CCDC148: variants seen among roughly 807,000 people sequenced by gnomAD.
CCDC148 encodes the protein coiled-coil domain containing 148.
A neutral mutation model predicts 85.7 loss-of-function variants in CCDC148; 89 were observed. The observed-to-expected ratio is 1.04, with a 90% CI of 0.87 to 1.24. The LOEUF (loss-of-function observed/expected upper bound fraction) is 1.24, where lower values mean the gene tolerates loss of function less well. Among genes scored for constraint, CCDC148 ranks in the 50% most tolerant of loss-of-function variants. The pLI is 0.00. For synonymous variants in CCDC148, 230 were observed against 213.9 expected, an observed-to-expected ratio of 1.08 and a Z score of -0.66; for missense variants, 692 against 671.7, an observed-to-expected ratio of 1.03 and a Z score of -0.33.
At chr2:158,271,783 T>C (rs1559032612) in intron 9 of CCDC148, among the ~76,000 whole-genome samples, 1 of 152,136 alleles carries the variant, frequency 6.6e-6, no homozygotes, top group Non-Finnish European at 1.5e-5. Flanking sequence ...TCCTCATGGA[T>C]AAGGGGGAAC....
At chr2:158,230,119 G>C (rs1337191780) in intron 10 of CCDC148, among the ~76,000 whole-genome samples, 1 of 152,004 alleles carries the variant, frequency 6.6e-6, no homozygotes, top group East Asian at 1.9e-4. Context: ...TATTGACTTT[G>C]GGACTTTGAC....
At chr2:158,382,904 G>C (rs919905684) in intron 1 of CCDC148, among the ~76,000 whole-genome samples, 2 of 151,994 alleles carry the variant, frequency 1.3e-5, no homozygotes, top group African/African-American at 4.8e-5. Flanking sequence ...CTGGGTGACA[G>C]AGTGAGACTC....
chr2:158,326,767 T>C (rs1295946111), intron 7 of CCDC148, among the ~76,000 whole-genome samples: 12 of 152,114 alleles, frequency 7.9e-5, no homozygotes, highest in Admixed American at 5.9e-4. Flanking sequence ...GAGGATACAA[T>C]AAAAATTCTT....
At chr2:158,233,861 A>G (rs1400264784) in intron 10 of CCDC148, among the ~76,000 whole-genome samples, 1 of 152,058 alleles carries the variant, frequency 6.6e-6, no homozygotes, top group Non-Finnish European at 1.5e-5. Flanking sequence ...TCAACCTGGG[A>G]CTGGCTTAAG....
At chr2:158,190,208 C>T (rs747557390) in intron 11 of CCDC148, among the ~76,000 whole-genome samples, 14 of 151,800 alleles carry the variant, frequency 9.2e-5, no homozygotes, top group East Asian at 1.9e-4. Context: ...ATGACATCCA[C>T]GACCATGATA....
intron 1 of CCDC148, among the ~76,000 whole-genome samples, chr2:158,450,739 A>G (rs1447971418): frequency 1.3e-5 from 2 of 148,674 alleles, no homozygotes; most frequent in East Asian, 3.9e-4. Context: ...TTTTCTTGTT[A>G]TTTTTGTCTT....
chr2:158,453,304 A>T (rs899505823), intron 1 of CCDC148, among the ~76,000 whole-genome samples: 1 of 152,224 alleles, frequency 6.6e-6, no homozygotes, highest in Non-Finnish European at 1.5e-5. Context: ...GAAGGCCAGG[A>T]AACTTTCAGA....
intron 10 of CCDC148, among the ~76,000 whole-genome samples, chr2:158,239,572 T>G (rs779371327): frequency 1.6e-4 from 21 of 127,420 alleles, no homozygotes; most frequent in East Asian, 5.6e-4. Flanking sequence ...GTTAATTTAA[T>G]TTAAATTAAT....
chr2:158,378,825 T>C (rs1684757521), intron 1 of CCDC148, among the ~76,000 whole-genome samples: 1 of 152,158 alleles, frequency 6.6e-6, no homozygotes. Context: ...TGTTGAGACT[T>C]ACTGCTCAGA....
chr2:158,318,407 C>A (rs1454970034), intron 7 of CCDC148, among the ~76,000 whole-genome samples: 1 of 152,064 alleles, frequency 6.6e-6, no homozygotes, highest in Non-Finnish European at 1.5e-5. Flanking sequence ...AAAAAGTGAC[C>A]TATAGGATAA....
At chr2:158,405,878 G>GA (rs1199030316) in intron 1 of CCDC148, among the ~76,000 whole-genome samples, 1 of 149,640 alleles carries the variant, frequency 6.7e-6, no homozygotes, top group African/African-American at 2.4e-5. Flanking sequence ...ATGAATATAG[G>GA]AAAAATGTAT....
intron 1 of CCDC148, chr2:158,425,231 T>C: frequency 3.7e-6 from 2 of 537,490 alleles, no homozygotes; most frequent in South Asian, 1.4e-5. Context: ...ATGCAGACTA[T>C]AGTGGCCAAG....
intron 2 of CCDC148, among the ~76,000 whole-genome samples, chr2:158,355,927 A>G (rs1347960533): frequency 3.7e-5 from 5 of 133,542 alleles, no homozygotes; most frequent in Non-Finnish European, 7.6e-5. Flanking sequence ...ATAACGCCGC[A>G]TATCTACAAC....
chr2:158,369,993 C>A (rs371853514), intron 1 of CCDC148, among the ~76,000 whole-genome samples: 5 of 152,164 alleles, frequency 3.3e-5, no homozygotes, highest in South Asian at 4.2e-4. Flanking sequence ...TTGAACCAGC[C>A]TTTCATCCTG....
chr2:158,224,054 C>G (rs2140022), intron 10 of CCDC148, among the ~76,000 whole-genome samples: 99,856 of 151,914 alleles, frequency 0.66, 33,999 homozygotes, highest in East Asian at 0.89. Flanking sequence ...CCATGGCAAA[C>G]AAGTTAAAAA....
intron 11 of CCDC148, among the ~76,000 whole-genome samples, chr2:158,194,623 G>A (rs1304595788): frequency 6.6e-6 from 1 of 152,038 alleles, no homozygotes; most frequent in African/African-American, 2.4e-5. Flanking sequence ...TGATATTTTT[G>A]CTCTCTAAAG....
At chr2:158,256,225 A>G (rs1373367119) in intron 9 of CCDC148, among the ~76,000 whole-genome samples, 1 of 151,820 alleles carries the variant, frequency 6.6e-6, no homozygotes, top group Non-Finnish European at 1.5e-5. Flanking sequence ...GGAAATGAAT[A>G]TTGAACATCT....
chr2:158,354,033 A>G (rs1392854226), intron 2 of CCDC148, among the ~76,000 whole-genome samples: 1 of 152,168 alleles, frequency 6.6e-6, no homozygotes, highest in African/African-American at 2.4e-5. Context: ...AACCAATGAG[A>G]ACAAAGACAC....
chr2:158,274,018 G>A (rs144251365), intron 9 of CCDC148, among the ~76,000 whole-genome samples: 3 of 152,274 alleles, frequency 2.0e-5, no homozygotes, highest in African/African-American at 7.2e-5. Flanking sequence ...CTATGTTCCA[G>A]GATAACAGTT....
Sources: gnomAD v4.1 joint callset for allele counts (sites outside exome capture counted in the v4.1 genomes callset) on GRCh38, gnomAD v4.1.1 for gene constraint, MANE v1.5 for transcripts, NCBI Gene and HGNC (gene_info 2026-07-23, HGNC 2026-07-21) for gene names.